MTA1: variants seen among roughly 807,000 people sequenced by gnomAD.
MTA1 encodes metastasis-associated protein MTA1.
A neutral mutation model predicts 97.0 loss-of-function variants in MTA1; 15 were observed. That is an observed-to-expected ratio of 0.15 (90% CI 0.10 to 0.24). The LOEUF (loss-of-function observed/expected upper bound fraction) is 0.24, where lower values mean the gene tolerates loss of function less well. MTA1 is among the 10% of genes least tolerant of loss of function. The pLI, the probability that MTA1 is intolerant of heterozygous loss-of-function variation, is 1.00. For missense variants in MTA1, 709 were observed against 1,015.1 expected (o/e 0.70, Z 4.10); for synonymous variants, 435 against 417.5 (o/e 1.04, Z -0.51).
rs1410207763 is a variant in MTA1 at position 105,422,750 on chromosome 14, A to G, written c.28+2687A>G. The stretch of plus-strand genomic sequence containing the variant: ...CTGCCAGGTTGGGCTAGGCAGGGTG[A>G]AGGTGTGGTGGCAGTATTTTTGTGC... On this transcript the variant is annotated intron_variant, in intron 1 of 20. Transcript: ENST00000331320. This position sits in a 1 kb window ranked among gnomAD's most constrained non-coding sequence, Gnocchi z 4.3. 6.6e-6 allele frequency among the ~76,000 whole-genome samples: 1 copy of G among 152,136 alleles called. No individual in the cohort carries two copies. The highest frequency in any genetic ancestry group is 6.5e-5 in the Admixed American group (1 of 15,276).
In MTA1 at chr14:105,420,025, C is replaced by T. The variant is rs1481409879; in HGVS notation, c.-11C>T. On this transcript the variant is annotated 5_prime_UTR_variant, in exon 1 of 21. Transcript: ENST00000331320. This position sits in a 1 kb window ranked among gnomAD's most constrained non-coding sequence, Gnocchi z 5.3. ...CCCGCCCCGGGCCCCTCCGCCGCCG[C>T]CGGCCCGGACATGGCCGCCAACATG... 4.7e-6 allele frequency: 5 copies of T among 1,071,632 alleles called. No homozygotes were observed. Among genetic ancestry groups the T allele is most frequent in the Non-Finnish European group, 4.5e-6 (4 of 879,902 alleles). The allele number at this position is 1,071,632 out of a possible 1,614,324, so 66.4% of individuals were successfully genotyped here. A position where few individuals can be genotyped will look rare whatever the true frequency, so the allele number is the denominator to read the frequency against.
intron 10 of MTA1, among the ~76,000 whole-genome samples, chr14:105,462,599 A>G (rs991715903): frequency 4.0e-5 from 6 of 151,820 alleles, no homozygotes; most frequent in Non-Finnish European, 8.8e-5. Flanking sequence ...ATGGCCGGGC[A>G]TGGTGGCTTA....
chr14:105,451,634 A>C (rs959610100), intron 6 of MTA1, among the ~76,000 whole-genome samples: 4 of 152,240 alleles, frequency 2.6e-5, no homozygotes, highest in Non-Finnish European at 5.9e-5. Context: ...GTGAGGAAGC[A>C]GCAGGTGCAG....
chr14:105,468,265 C>T lies in MTA1; in HGVS notation c.1814-1202C>T, dbSNP rs142635334. 1,952 of 1,286,060 alleles carry T rather than the reference C, an allele frequency of 1.5e-3. 22 individuals are homozygous for T. In the African/African-American group the frequency reaches 0.027, roughly 18 times the overall value. The allele number at this position is 1,286,060 out of a possible 1,614,324, so 79.7% of individuals were successfully genotyped here. A position where few individuals can be genotyped will look rare whatever the true frequency, so the allele number is the denominator to read the frequency against. On this transcript the variant is annotated intron_variant, in intron 18 of 20. Coordinates refer to ENST00000331320, the MANE Select transcript of MTA1 (RefSeq NM_004689.4). ...GTTGCGCTGTCCCCACCTGCGGGGC[C>T]TGCAGATGGCTGCGTGTGGCTCACT...
chr14:105,466,035 C>T (rs896082637), intron 16 of MTA1: 8 of 230,370 alleles, frequency 3.5e-5, no homozygotes, highest in South Asian at 2.9e-4. Flanking sequence ...ATGGTTGGTT[C>T]GCTGTCTGAC....
chr14:105,434,428 C>T (rs1285392511), intron 1 of MTA1, among the ~76,000 whole-genome samples: 1 of 150,200 alleles, frequency 6.7e-6, no homozygotes, highest in African/African-American at 2.5e-5. Flanking sequence ...TTTCTTGGTG[C>T]TCTTGTGAAT....
chr14:105,438,679 C>T lies in MTA1; in HGVS notation c.36C>T (p.Val12=). The change falls in exon 2 of 21, where the codon GTC becomes GTT. Residue 12 remains valine, a synonymous_variant. Coordinates refer to ENST00000331320, the MANE Select transcript of MTA1 (RefSeq NM_004689.4). ...AANMYRVGDY[V]YFENSSSNPY... ...CTCTGTTGCTGTTTGCAGACTACGT[C>T]TACTTTGAGAACTCCTCCAGCAACC... The T allele has an allele frequency of 1.2e-6, 2 of 1,613,572 alleles. No homozygotes were observed. The highest frequency in any genetic ancestry group is 2.7e-5 in the African/African-American group (2 of 75,030).
intron 4 of MTA1, 42 bp from the exon 5 acceptor site, chr14:105,450,016 G>A (rs2082861511): frequency 2.5e-6 from 4 of 1,612,346 alleles, no homozygotes; most frequent in Non-Finnish European, 3.4e-6. Flanking sequence ...GTCTGGCAGT[G>A]TGCGTCTGCC....
At position 105,463,608 on chromosome 14, in the gene MTA1, C is replaced by T. The variant is rs2083445837; in HGVS notation, c.1076+57C>T. On this transcript the variant is annotated intron_variant, in intron 12 of 20. Coordinates refer to ENST00000331320, the MANE Select transcript of MTA1 (RefSeq NM_004689.4). The surrounding 1 kb of genome is among the most constrained non-coding windows in gnomAD (Gnocchi z 5.9). ...GGCCCCGGGGGCCAGGGAGGGTGGG[C>T]ACAGGGTGCTGGGGCCAGGCGGGTC... 1.9e-6 allele frequency: 3 copies of T among 1,556,908 alleles called. No individual in the cohort carries two copies. The highest frequency in any genetic ancestry group is 1.1e-5 in the South Asian group (1 of 89,924).
intron 10 of MTA1, among the ~76,000 whole-genome samples, chr14:105,462,012 T>C (rs2083366883): frequency 1.1e-5 from 1 of 94,876 alleles, no homozygotes. Flanking sequence ...GAGACCCTGC[T>C]GCACATGGTT....
chr14:105,458,196 C>T lies in MTA1; in HGVS notation c.551-74C>T, dbSNP rs2083224679. ...CCCTCCCCGTCCCAGCAGCTCCCCG[C>T]ACCCGGGGAGGAGAGGCGCGGCCCG... On this transcript the variant is annotated intron_variant, in intron 7 of 20. Coordinates refer to ENST00000331320, the MANE Select transcript of MTA1 (RefSeq NM_004689.4). 3 of 1,304,784 alleles carry T rather than the reference C, an allele frequency of 2.3e-6. No homozygotes were observed. The Admixed American group carries it at 5.4e-5, about 23-fold the overall frequency. The allele number at this position is 1,304,784 out of a possible 1,614,324, so 80.8% of individuals were successfully genotyped here.
At position 105,420,298 on chromosome 14, in the gene MTA1, C is replaced by G. The variant is rs1220692833; in HGVS notation, c.28+235C>G. On this transcript the variant is annotated intron_variant, in intron 1 of 20. Transcript: ENST00000331320. The surrounding 1 kb of genome is among the most constrained non-coding windows in gnomAD (Gnocchi z 5.3). ...CGGCGGCCCGGGGGTGGGGGGCGGCCCACCTGTTGGGGCCGAGGGGGCGGC... is the reference window on the plus strand; with the variant it reads ...CGGCGGCCCGGGGGTGGGGGGCGGCGCACCTGTTGGGGCCGAGGGGGCGGC... 6.7e-6 allele frequency among the ~76,000 whole-genome samples: 1 copy of G among 150,064 alleles called. No homozygotes were observed. Among genetic ancestry groups the G allele is most frequent in the Admixed American group, 6.6e-5 (1 of 15,104 alleles).
At chr14:105,442,258 C>T (rs1555425935) in intron 2 of MTA1, among the ~76,000 whole-genome samples, 1 of 152,228 alleles carries the variant, frequency 6.6e-6, no homozygotes, top group East Asian at 1.9e-4. Flanking sequence ...GGAGGCTCCA[C>T]GCCCAGCCAA....
At chr14:105,436,892 G>A (rs377268435) in intron 1 of MTA1, among the ~76,000 whole-genome samples, 6 of 152,222 alleles carry the variant, frequency 3.9e-5, no homozygotes, top group African/African-American at 9.6e-5. Flanking sequence ...GAATTCTAGC[G>A]TTTTCACAGC....
At chr14:105,469,704 G>A in intron 19 of MTA1, 137 bp from the exon 20 acceptor site, 1 of 1,344,076 alleles carries the variant, frequency 7.4e-7, no homozygotes, top group Non-Finnish European at 1.0e-6. Context: ...GGGCTGCCCT[G>A]GGCCAGGCTG....
At chr14:105,459,008 G>T (rs183505585) in intron 8 of MTA1, among the ~76,000 whole-genome samples, 2,170 of 151,346 alleles carry the variant, frequency 0.014, 10 homozygotes, top group Non-Finnish European at 0.023. Context: ...TGTGTGCCTG[G>T]GGGGAGTCCG....
intron 6 of MTA1, 51 bp from the exon 7 acceptor site, chr14:105,454,142 C>T (rs968145395): frequency 9.7e-6 from 14 of 1,449,724 alleles, no homozygotes; most frequent in East Asian, 4.6e-5. Context: ...TCTGACCCTC[C>T]CAGCAGCCTG....
At chr14:105,466,289 G>C in intron 16 of MTA1, 137 bp from the exon 17 acceptor site, 1 of 747,950 alleles carries the variant, frequency 1.3e-6, no homozygotes, top group Non-Finnish European at 2.2e-6. Flanking sequence ...GCCCAGTCAG[G>C]ATGGGGCCTC....
Position 105,469,864 on chromosome 14 carries a change from C to T in MTA1, c.1869C>T (p.Leu623=). ...AGGGACCAAGCCGGAACCTCCTGCT[C>T]AACGGGAAGTCCTACCCCACCAAAG... is the stretch of plus-strand genomic sequence containing the variant. ...RHMGPSRNLL[L]NGKSYPTKVR... The change falls in exon 20 of 21, where the codon CTC becomes CTT. Residue 623 remains leucine (L), a synonymous_variant. Transcript: ENST00000331320. The T allele has an allele frequency of 6.2e-7, 1 of 1,609,296 alleles. No homozygotes were observed. The highest frequency in any genetic ancestry group is 8.5e-7 in the Non-Finnish European group (1 of 1,178,456).
Sources: gnomAD v4.1 joint callset for allele counts (sites outside exome capture counted in the v4.1 genomes callset) on GRCh38, gnomAD v4.1.1 for gene constraint, Gnocchi (gnomAD v3.1) non-coding constraint, MANE v1.5 for transcripts, NCBI Gene and HGNC (gene_info 2026-07-23, HGNC 2026-07-21) for gene names.